Variants in TRAK1 observed in about 807,000 individuals in gnomAD.
TRAK1 encodes the protein trafficking kinesin protein 1, also known as trafficking kinesin-binding protein 1.
In TRAK1, 33 loss-of-function variants were observed where a neutral mutation model predicts 92.1. The ratio of observed to expected loss-of-function variants is 0.36; its 90% CI spans 0.27 to 0.48. TRAK1 has a LOEUF of 0.48. Among genes scored for constraint, TRAK1 ranks in the 20% least tolerant of loss-of-function variants. TRAK1 has a pLI of 0.99. For synonymous variants in TRAK1, 521 were observed against 517.3 expected (o/e 1.01, Z -0.10); for missense variants, 1,123 against 1,257.9 (o/e 0.89, Z 1.62).
At chr3:42,093,699 CCCCTCCCCTT>C (rs1705477839) in intron 1 of TRAK1, among the ~76,000 whole-genome samples, 1 of 41,986 alleles carries the variant, frequency 2.4e-5, no homozygotes, top group Non-Finnish European at 5.0e-5. Flanking sequence ...CCCCTCCCCT[CCCCTCCCCTT>C]CCTTTTTTTT....
intron 2 of TRAK1, among the ~76,000 whole-genome samples, chr3:42,158,328 C>T (rs1419918911): frequency 2.6e-5 from 4 of 152,126 alleles, no homozygotes; most frequent in Non-Finnish European, 5.9e-5. Flanking sequence ...CAATCTGATA[C>T]TTGCTGAATG....
At chr3:42,030,443 T>C (rs1207346438) in intron 1 of TRAK1, among the ~76,000 whole-genome samples, 2 of 149,274 alleles carry the variant, frequency 1.3e-5, no homozygotes, top group African/African-American at 4.9e-5. Flanking sequence ...GAGGCCGAGG[T>C]GGGTGGATCA....
intron 2 of TRAK1, among the ~76,000 whole-genome samples, chr3:42,159,988 T>A (rs1420051467): frequency 1.3e-5 from 2 of 152,174 alleles, no homozygotes; most frequent in Non-Finnish European, 2.9e-5. Flanking sequence ...TCATTGCTGC[T>A]GGGGGAGGAA....
At chr3:42,037,103 C>T (rs1210259929) in intron 1 of TRAK1, among the ~76,000 whole-genome samples, 1 of 152,176 alleles carries the variant, frequency 6.6e-6, no homozygotes, top group Non-Finnish European at 1.5e-5. Flanking sequence ...ATCGGGATTA[C>T]AGGTGTGAGC....
At chr3:42,035,899 C>T (rs1446841591) in intron 1 of TRAK1, among the ~76,000 whole-genome samples, 1 of 152,266 alleles carries the variant, frequency 6.6e-6, no homozygotes, top group African/African-American at 2.4e-5. Context: ...CACCCCCAAA[C>T]CCTACTTGCT....
chr3:42,160,110 C>G, intron 2 of TRAK1: 6 of 751,276 alleles, frequency 8.0e-6, no homozygotes, highest in Non-Finnish European at 1.0e-5. Flanking sequence ...GCCAAGTGCT[C>G]CACCCCACCC....
At chr3:42,112,865 T>TGC (rs760916099) in intron 1 of TRAK1, among the ~76,000 whole-genome samples, 84 of 152,170 alleles carry the variant, frequency 5.5e-4, no homozygotes, top group African/African-American at 2.0e-3. Flanking sequence ...CTAACTGCTG[T>TGC]GCTCAAGGGA....
At chr3:42,156,998 A>G (rs1382527965) in intron 2 of TRAK1, among the ~76,000 whole-genome samples, 6 of 152,054 alleles carry the variant, frequency 3.9e-5, no homozygotes, top group Non-Finnish European at 8.8e-5. Context: ...TACTAAAAAT[A>G]CAAAATTAGC....
chr3:42,166,251 G>A (rs1284949814), intron 2 of TRAK1, among the ~76,000 whole-genome samples: 2 of 152,124 alleles, frequency 1.3e-5, no homozygotes, highest in Non-Finnish European at 2.9e-5. Context: ...GTCTAAAATG[G>A]GACAGTAGTA....
intron 1 of TRAK1, among the ~76,000 whole-genome samples, chr3:42,097,539 G>A (rs911560929): frequency 6.6e-6 from 1 of 152,142 alleles, no homozygotes; most frequent in Non-Finnish European, 1.5e-5. Flanking sequence ...GAGCATTTTC[G>A]GTATTTCCTG....
intron 2 of TRAK1, among the ~76,000 whole-genome samples, chr3:42,142,758 GCCCTTTTCATTTTGATAGT>G (rs1358046964): frequency 1.3e-5 from 2 of 152,108 alleles, no homozygotes; most frequent in Admixed American, 6.6e-5. Context: ...TCACTTGGTT[GCCCTTTTCATTTTGATAGT>G]CATTGAAGAT....
At chr3:42,129,621 A>G (rs1160881669) in intron 2 of TRAK1, among the ~76,000 whole-genome samples, 1 of 152,192 alleles carries the variant, frequency 6.6e-6, no homozygotes, top group Non-Finnish European at 1.5e-5. Flanking sequence ...AATTAAAATG[A>G]CCCACAAAAC....
In TRAK1 at chr3:42,110,073, A is replaced by G. The variant is rs149243740; in HGVS notation, c.92-15347A>G. The stretch of plus-strand genomic sequence containing the variant: ...TATGTAGCAAACCTGCACGTTGTGC[A>G]CATGTACCCTAGAACTTAAAGTATA... On this transcript the variant is annotated intron_variant, in intron 1 of 15. Transcript: ENST00000327628. Among the ~76,000 whole-genome samples, 219 of 133,068 alleles carry G rather than the reference A, an allele frequency of 1.6e-3. 2 individuals are homozygous for G. Among genetic ancestry groups the G allele is most frequent in the African/African-American group, 5.9e-3 (208 of 35,146 alleles). The allele number at this position is 133,068 out of a possible 152,430, so 87.3% of individuals were successfully genotyped here.
At chr3:42,098,073 T>C (rs1182655965) in intron 1 of TRAK1, among the ~76,000 whole-genome samples, 3 of 152,004 alleles carry the variant, frequency 2.0e-5, no homozygotes, top group Non-Finnish European at 4.4e-5. Flanking sequence ...ACCCACTTTC[T>C]GTCTGTTTCC....
chr3:42,193,972 A>C, intron 9 of TRAK1, 74 bp downstream of exon 9: 1 of 1,342,148 alleles, frequency 7.5e-7, no homozygotes, highest in Non-Finnish European at 1.0e-6. Flanking sequence ...GGACAGCTTT[A>C]GTCACGTCCA....
intron 2 of TRAK1, chr3:42,160,128 C>A: frequency 1.0e-5 from 12 of 1,194,684 alleles, no homozygotes; most frequent in African/African-American, 1.6e-5. Context: ...CCCCGCCCCT[C>A]CTCCAGGCTC....
At position 42,202,983 on chromosome 3, in the gene TRAK1, G is replaced by A. The variant is rs758502910; in HGVS notation, c.1744+231G>A. On this transcript the variant is annotated intron_variant, in intron 13 of 15. Coordinates refer to ENST00000327628, the MANE Select transcript of TRAK1 (RefSeq NM_001042646.3). This position sits in a 1 kb window ranked among gnomAD's most constrained non-coding sequence, Gnocchi z 6.1. ...GCACACATAGGCCATGAAACTCGCCGAGGAAAGACAAGCATGTGCACTGTG... is the reference window on the plus strand; with the variant it reads ...GCACACATAGGCCATGAAACTCGCCAAGGAAAGACAAGCATGTGCACTGTG... 1.2e-4 allele frequency: 166 copies of A among 1,333,978 alleles called. 1 individual carries two copies. The highest frequency in any genetic ancestry group is 1.5e-4 in the Non-Finnish European group (158 of 1,041,182). 82.6% of individuals were successfully genotyped at this position (1,333,978 alleles called of 1,614,324 possible).
At chr3:42,047,668 T>C (rs973372646) in intron 1 of TRAK1, among the ~76,000 whole-genome samples, 7 of 152,164 alleles carry the variant, frequency 4.6e-5, no homozygotes, top group African/African-American at 1.7e-4. Context: ...TAGTTAACTT[T>C]AATGTAAAAT....
intron 1 of TRAK1, among the ~76,000 whole-genome samples, chr3:42,064,384 T>A (rs905745397): frequency 6.8e-6 from 1 of 146,936 alleles, no homozygotes; most frequent in Admixed American, 6.8e-5. Context: ...AAAAAAAACC[T>A]TTAAAAAGAA....
Sources: allele counts gnomAD v4.1 joint callset (sites outside exome capture counted in the v4.1 genomes callset), GRCh38; gene constraint gnomAD v4.1.1; non-coding constraint Gnocchi (gnomAD v3.1); transcripts MANE v1.5; gene names NCBI Gene and HGNC (gene_info 2026-07-23, HGNC 2026-07-21).